Variants in ADGRL3 observed in about 807,000 individuals in gnomAD.
ADGRL3 encodes the protein adhesion G protein-coupled receptor L3.
A neutral mutation model predicts 153.5 loss-of-function variants in ADGRL3; 62 were observed. The ratio of observed to expected loss-of-function variants is 0.40; its 90% confidence interval spans 0.33 to 0.50. ADGRL3 has a LOEUF of 0.50. ADGRL3 is among the 20% of genes least tolerant of loss of function. ADGRL3 has a pLI of 0.47. For synonymous variants in ADGRL3, 710 were observed against 672.5 expected (o/e 1.06, Z -0.86); for missense variants, 1,641 against 1,859.4 (o/e 0.88, Z 2.16).
intron 1 of ADGRL3, among the ~76,000 whole-genome samples, chr4:61,277,351 T>A (rs536170150): frequency 6.6e-6 from 1 of 152,184 alleles, no homozygotes; most frequent in South Asian, 2.1e-4. Context: ...TTTGTCTTGA[T>A]GAATGCAGAT....
intron 13 of ADGRL3, among the ~76,000 whole-genome samples, chr4:61,932,661 G>A (rs2098822368): frequency 6.6e-6 from 1 of 152,088 alleles, no homozygotes; most frequent in Admixed American, 6.6e-5. Context: ...TGGCTTTGGT[G>A]TCAAAGTAAT....
intron 1 of ADGRL3, among the ~76,000 whole-genome samples, chr4:61,270,835 C>T (rs528498524): frequency 2.0e-5 from 3 of 151,572 alleles, no homozygotes; most frequent in African/African-American, 7.3e-5. Flanking sequence ...CATGTTGAGA[C>T]TTCATTTTGG....
chr4:61,405,410 C>A (rs1415336762), intron 2 of ADGRL3, among the ~76,000 whole-genome samples: 2 of 151,842 alleles, frequency 1.3e-5, no homozygotes, highest in Admixed American at 6.6e-5. Context: ...TTATTATGAG[C>A]TACCTAGTTT....
intron 13 of ADGRL3, among the ~76,000 whole-genome samples, chr4:61,923,281 T>C (rs2098778640): frequency 6.6e-6 from 1 of 152,214 alleles, no homozygotes; most frequent in South Asian, 2.1e-4. Context: ...CTTCAGCTAT[T>C]ATCCTTGTGT....
intron 1 of ADGRL3, among the ~76,000 whole-genome samples, chr4:61,338,896 G>T (rs997114877): frequency 5.9e-5 from 9 of 152,138 alleles, no homozygotes; most frequent in Non-Finnish European, 1.0e-4. Flanking sequence ...TATTATGATA[G>T]TCTAATGTAT....
At chr4:61,692,329 T>G (rs2095554202) in intron 6 of ADGRL3, among the ~76,000 whole-genome samples, 1 of 127,146 alleles carries the variant, frequency 7.9e-6, no homozygotes, top group African/African-American at 3.2e-5. Context: ...TTCATTCCCC[T>G]CTATTTCTCA....
At chr4:61,394,387 C>T (rs1053581316) in intron 2 of ADGRL3, among the ~76,000 whole-genome samples, 1 of 152,022 alleles carries the variant, frequency 6.6e-6, no homozygotes, top group East Asian at 1.9e-4. Context: ...ATGGCTGGAT[C>T]GGATAGCTAC....
chr4:61,710,601 T>C (rs1303752152), intron 6 of ADGRL3, among the ~76,000 whole-genome samples: 4 of 152,224 alleles, frequency 2.6e-5, no homozygotes, highest in Non-Finnish European at 5.9e-5. Context: ...GGGAATTGTA[T>C]ATTATTCTTA....
chr4:62,071,111 G>GT lies in ADGRL3; in HGVS notation c.*204dup, dbSNP rs1745537718. ...GAAAGATAACTGCTAAAATTCCCCT[G>GT]TACCCCATCCTTTCTTGTCCTTTCC... On this transcript the variant is annotated 3_prime_UTR_variant, in exon 27 of 27. Transcript: ENST00000683033. 1 of 511,000 alleles carries GT rather than the reference G, an allele frequency of 2.0e-6. No homozygotes were observed. Among genetic ancestry groups the GT allele is most frequent in the African/African-American group, 1.9e-5 (1 of 52,290 alleles). 31.7% of individuals were successfully genotyped at this position (511,000 alleles called of 1,614,324 possible).
At chr4:61,851,589 CAAAAAAAAAA>C (rs759990537) in intron 9 of ADGRL3, among the ~76,000 whole-genome samples, 6 of 55,230 alleles carry the variant, frequency 1.1e-4, no homozygotes, top group African/African-American at 1.1e-4. Flanking sequence ...GACCATGTCT[CAAAAAAAAAA>C]AAAAAAAAAA....
At chr4:61,440,085 G>A (rs1040862397) in intron 2 of ADGRL3, among the ~76,000 whole-genome samples, 1 of 151,688 alleles carries the variant, frequency 6.6e-6, no homozygotes, top group Non-Finnish European at 1.5e-5. Flanking sequence ...GTCTTACTCT[G>A]TCACTCAGGC....
chr4:61,503,603 A>G (rs1435071250), intron 3 of ADGRL3, among the ~76,000 whole-genome samples: 2 of 152,024 alleles, frequency 1.3e-5, no homozygotes, highest in Non-Finnish European at 2.9e-5. Flanking sequence ...ATATTTTTTG[A>G]AAAGACGGTA....
At chr4:61,291,134 G>C (rs763107768) in intron 1 of ADGRL3, among the ~76,000 whole-genome samples, 1 of 146,104 alleles carries the variant, frequency 6.8e-6, no homozygotes, top group Non-Finnish European at 1.5e-5. Flanking sequence ...TTTGCTATAT[G>C]TATTTTGAAT....
rs554519719 is a variant in ADGRL3, at chr4:61,346,924, CTG to C, written c.-239-36197_-239-36196del. ...TTTTAGAGGTCTTAATTATGAAAAACTGTGACTGTGAGGTTCCAAACTGTGTC... is the reference window on the plus strand; with the variant it reads ...TTTTAGAGGTCTTAATTATGAAAAACTGACTGTGAGGTTCCAAACTGTGTC... On this transcript the variant is annotated intron_variant, in intron 1 of 26. Transcript: ENST00000683033. Among the ~76,000 whole-genome samples the C allele has an allele frequency of 1.9e-3, 284 of 151,462 alleles. 1 individual carries two copies. The highest frequency in any genetic ancestry group is 6.8e-3 in the African/African-American group (279 of 41,308).
chr4:61,548,630 T>C (rs1309613170), intron 4 of ADGRL3, among the ~76,000 whole-genome samples: 1 of 152,100 alleles, frequency 6.6e-6, no homozygotes, highest in Non-Finnish European at 1.5e-5. Flanking sequence ...GTTCCACTGG[T>C]CTATTTGTCT....
rs569097751 is a variant in ADGRL3, at chr4:61,662,142, G to A, written c.474-14684G>A. On this transcript the variant is annotated intron_variant, in intron 5 of 26. Transcript: ENST00000683033. Reference sequence around the variant, plus strand: ...ACAGACGGAAGTCCCATTCCCTTCTGAGGAGGCAGGACAGGAGCCTCGTGC... The same window carrying A: ...ACAGACGGAAGTCCCATTCCCTTCTAAGGAGGCAGGACAGGAGCCTCGTGC... Among the ~76,000 whole-genome samples, 36 of 152,306 alleles carry A rather than the reference G, an allele frequency of 2.4e-4. No homozygotes were observed. In the East Asian group the frequency reaches 7.0e-3, roughly 29 times the overall value.
At chr4:61,529,154 T>C (rs1280682995) in intron 4 of ADGRL3, among the ~76,000 whole-genome samples, 4 of 152,322 alleles carry the variant, frequency 2.6e-5, no homozygotes, top group Non-Finnish European at 4.4e-5. Flanking sequence ...TGTTCCATTC[T>C]TGTTATTGAT....
At chr4:61,515,810 G>C (rs574010748) in intron 3 of ADGRL3, among the ~76,000 whole-genome samples, 1 of 152,198 alleles carries the variant, frequency 6.6e-6, no homozygotes, top group African/African-American at 2.4e-5. Flanking sequence ...TAGTCATATT[G>C]TCATTTTAGG....
At chr4:61,478,677 A>G (rs1211997856) in intron 2 of ADGRL3, among the ~76,000 whole-genome samples, 1 of 152,012 alleles carries the variant, frequency 6.6e-6, no homozygotes, top group East Asian at 1.9e-4. Context: ...GATCATTGTT[A>G]TATGTCTTTC....
Sources: gnomAD v4.1 joint callset for allele counts (sites outside exome capture counted in the v4.1 genomes callset) on GRCh38, gnomAD v4.1.1 for gene constraint, MANE v1.5 for transcripts, NCBI Gene and HGNC (gene_info 2026-07-23, HGNC 2026-07-21) for gene names.